ZSCAN5A: variants seen among roughly 807,000 people sequenced by gnomAD.
ZSCAN5A encodes zinc finger and SCAN domain-containing protein 5A.
In ZSCAN5A, 12 loss-of-function variants were observed where a neutral mutation model predicts 23.7. That is an observed-to-expected ratio of 0.51 (90% CI 0.32 to 0.82). The LOEUF (loss-of-function observed/expected upper bound fraction) is 0.82, where lower values mean the gene tolerates loss of function less well. ZSCAN5A is among the 40% of genes least tolerant of loss of function. The probability of loss-of-function intolerance (pLI) is 0.03; values close to 1 mark genes in which losing one functional copy is unlikely to be tolerated. For synonymous variants in ZSCAN5A, 257 were observed against 239.9 expected (o/e 1.07, Z -0.66); for missense variants, 597 against 617.9 (o/e 0.97, Z 0.36).
intron 2 of ZSCAN5A, among the ~76,000 whole-genome samples, chr19:56,227,958 G>A (rs925644008): frequency 2.6e-5 from 4 of 151,964 alleles, no homozygotes; most frequent in Admixed American, 2.0e-4. Flanking sequence ...CTCGGGAGGC[G>A]GAGGCGGGCG....
At chr19:56,326,089 C>T (rs555982142) in intron 2 of ZSCAN5A, among the ~76,000 whole-genome samples, 75 of 152,030 alleles carry the variant, frequency 4.9e-4, no homozygotes, top group African/African-American at 1.3e-3. Flanking sequence ...CCCGCCACCA[C>T]GCCCAGCTAA....
At chr19:56,228,261 G>A (rs1331611150) in intron 2 of ZSCAN5A, 8 of 985,046 alleles carry the variant, frequency 8.1e-6, no homozygotes, top group East Asian at 1.1e-4. Flanking sequence ...CCTCCTTCCC[G>A]GCTTCTGCCT....
intron 2 of ZSCAN5A, among the ~76,000 whole-genome samples, chr19:56,226,068 T>C (rs1346938359): frequency 6.6e-6 from 1 of 152,074 alleles, no homozygotes; most frequent in Non-Finnish European, 1.5e-5. Flanking sequence ...CAGGCATCAA[T>C]TATCGTCCAA....
At chr19:56,314,108 A>T (rs2041215782) in intron 1 of ZSCAN5A, 1 of 152,304 alleles carries the variant, frequency 6.6e-6, no homozygotes, top group Non-Finnish European at 1.5e-5. Context: ...CAACAAAGCA[A>T]TGTCTGTCCC....
At position 56,225,151 on chromosome 19, in the gene ZSCAN5A, A is replaced by G; in HGVS notation, c.-105T>C. ...GCTTCCTCTGGTTTTCCTCAGTAAT[A>G]GATTCACTGTTCATTCAGAAGTCTG... On this transcript the variant is annotated 5_prime_UTR_variant, in exon 3 of 6. Transcript: ENST00000683990. 1 of 1,483,512 alleles carries G rather than the reference A, an allele frequency of 6.7e-7. No individual in the cohort carries two copies. Among genetic ancestry groups the G allele is most frequent in the Non-Finnish European group, 8.9e-7 (1 of 1,127,120 alleles). 91.9% of individuals were successfully genotyped at this position (1,483,512 alleles called of 1,614,324 possible). A position where few individuals can be genotyped will look rare whatever the true frequency, so the allele number is the denominator to read the frequency against.
chr19:56,250,346 C>A (rs2036250902), intron 2 of ZSCAN5A, among the ~76,000 whole-genome samples: 1 of 152,194 alleles, frequency 6.6e-6, no homozygotes, highest in Non-Finnish European at 1.5e-5. Context: ...TAATGTGCAA[C>A]AAAGGTTGAG....
chr19:56,224,412 T>C, intron 3 of ZSCAN5A: 1 of 587,590 alleles, frequency 1.7e-6, no homozygotes, highest in Admixed American at 3.5e-5. Flanking sequence ...GCACAGCTGA[T>C]ATTGGAATCT....
chr19:56,272,829 C>G, intron 2 of ZSCAN5A: 2 of 982,930 alleles, frequency 2.0e-6, no homozygotes, highest in Non-Finnish European at 2.4e-6. Context: ...AAATCCCAGC[C>G]CCATCATGCA....
At position 56,225,128 on chromosome 19, in the gene ZSCAN5A, T is replaced by C; in HGVS notation, c.-82A>G. ...CTAATTGATACCTATCTACACAGGCTTCCTCTGGTTTTCCTCAGTAATAGA... is the reference window on the plus strand; with the variant it reads ...CTAATTGATACCTATCTACACAGGCCTCCTCTGGTTTTCCTCAGTAATAGA... On this transcript the variant is annotated 5_prime_UTR_variant, in exon 3 of 6. Transcript: ENST00000683990. 1 of 1,501,522 alleles carries C rather than the reference T, an allele frequency of 6.7e-7. No individual in the cohort carries two copies. The highest frequency in any genetic ancestry group is 8.8e-7 in the Non-Finnish European group (1 of 1,134,290). 93.0% of individuals were successfully genotyped at this position (1,501,522 alleles called of 1,614,324 possible). A position where few individuals can be genotyped will look rare whatever the true frequency, so the allele number is the denominator to read the frequency against.
intron 2 of ZSCAN5A, among the ~76,000 whole-genome samples, chr19:56,285,371 G>A (rs929853079): frequency 2.6e-5 from 4 of 152,168 alleles, no homozygotes; most frequent in African/African-American, 4.8e-5. Flanking sequence ...CTAGTCTCAC[G>A]TGTATTCTCC....
chr19:56,234,597 A>C (rs2034726560), intron 2 of ZSCAN5A, among the ~76,000 whole-genome samples: 1 of 152,200 alleles, frequency 6.6e-6, no homozygotes, highest in Non-Finnish European at 1.5e-5. Flanking sequence ...GTAGTTAAAA[A>C]TCAACTGATA....
chr19:56,338,319 AT>A (rs2041560693), intron 2 of ZSCAN5A: 1 of 152,186 alleles, frequency 6.6e-6, no homozygotes, highest in Admixed American at 6.5e-5. Flanking sequence ...TTCTTTAGGC[AT>A]TGAAGACTGT....
At chr19:56,275,347 T>C (rs935713241) in intron 2 of ZSCAN5A, among the ~76,000 whole-genome samples, 1 of 152,210 alleles carries the variant, frequency 6.6e-6, no homozygotes, top group Non-Finnish European at 1.5e-5. Context: ...ATATATTCAA[T>C]GGCCTTTCTC....
chr19:56,231,153 C>A (rs1361012705), intron 2 of ZSCAN5A, among the ~76,000 whole-genome samples: 2 of 152,062 alleles, frequency 1.3e-5, no homozygotes, highest in Non-Finnish European at 2.9e-5. Context: ...GTCAAGGTTG[C>A]AGTGAGCTGT....
chr19:56,310,531 C>T (rs894526987), intron 2 of ZSCAN5A: 5 of 152,302 alleles, frequency 3.3e-5, no homozygotes, highest in African/African-American at 1.2e-4. Flanking sequence ...GAATCAAACG[C>T]TATCAGTTAA....
intron 2 of ZSCAN5A, among the ~76,000 whole-genome samples, chr19:56,240,106 G>A (rs1186173460): frequency 6.6e-6 from 1 of 151,756 alleles, no homozygotes; most frequent in African/African-American, 2.4e-5. Flanking sequence ...AGCTTGCAGT[G>A]AGCCGAGATC....
chr19:56,249,364 C>T (rs1032395294), intron 2 of ZSCAN5A, among the ~76,000 whole-genome samples: 2 of 152,152 alleles, frequency 1.3e-5, no homozygotes, highest in African/African-American at 2.4e-5. Flanking sequence ...CTCCACCTCC[C>T]GGGTTGAAGC....
chr19:56,248,229 C>T (rs996651669), intron 2 of ZSCAN5A, among the ~76,000 whole-genome samples: 2 of 151,914 alleles, frequency 1.3e-5, no homozygotes, highest in African/African-American at 4.8e-5. Flanking sequence ...TATTGGGTAT[C>T]CTGTATTGTT....
chr19:56,223,873 A>T, intron 3 of ZSCAN5A, 39 bp from the exon 4 acceptor site: 1 of 1,557,118 alleles, frequency 6.4e-7, no homozygotes, highest in Non-Finnish European at 8.8e-7. Flanking sequence ...CACCATGAGA[A>T]CCTGAAAGTA....
Sources: gnomAD v4.1 joint callset for allele counts (sites outside exome capture counted in the v4.1 genomes callset) on GRCh38, gnomAD v4.1.1 for gene constraint, MANE v1.5 for transcripts, NCBI Gene and HGNC (gene_info 2026-07-23, HGNC 2026-07-21) for gene names.